The following SOX5 variants were observed in gnomAD, a reference collection of about 807,000 sequenced individuals.
SOX5 encodes the protein transcription factor SOX-5.
A neutral mutation model predicts 92.0 loss-of-function variants in SOX5; 9 were observed. The ratio of observed to expected loss-of-function variants is 0.10; its 90% CI spans 0.06 to 0.17. The LOEUF is 0.17. Among genes scored for constraint, SOX5 ranks in the 10% least tolerant of loss-of-function variants. SOX5 has a pLI of 1.00. For synonymous variants in SOX5, 344 were observed against 336.3 expected (o/e 1.02, Z -0.25); for missense variants, 642 against 944.5 (o/e 0.68, Z 4.20).
intron 8 of SOX5, among the ~76,000 whole-genome samples, chr12:23,633,546 T>C (rs778967983): frequency 4.6e-5 from 7 of 151,854 alleles, no homozygotes; most frequent in Non-Finnish European, 1.0e-4. Context: ...ATCAGTATAA[T>C]AAATAAGTAA....
intron 3 of SOX5, among the ~76,000 whole-genome samples, chr12:23,776,671 T>C (rs1161098326): frequency 6.6e-6 from 1 of 152,140 alleles, no homozygotes; most frequent in African/African-American, 2.4e-5. Flanking sequence ...GATTAAATGG[T>C]TCCACCTCAG....
At position 24,430,760 on chromosome 12, in the gene SOX5, G is replaced by A. The variant is rs141950208; in HGVS notation, c.-250-62121C>T. ...TTCAAGAACCATTCACTAAATAAAA[G>A]TTTGTACATTTTATCTCCTTTGTCA... On this transcript the variant is annotated intron_variant, in intron 1 of 4. Coordinates refer to the SOX5 transcript ENST00000446891. Among the ~76,000 whole-genome samples the A allele has an allele frequency of 2.0e-5, 3 of 152,120 alleles. No individual in the cohort carries two copies. The East Asian group carries it at 5.8e-4, about 29-fold the overall frequency.
At chr12:24,142,954 CAA>C (rs1344547885) in intron 4 of SOX5, among the ~76,000 whole-genome samples, 10 of 151,622 alleles carry the variant, frequency 6.6e-5, no homozygotes, top group African/African-American at 2.4e-4. Context: ...GGAAACTGCC[CAA>C]GGCAGGGAAA....
intron 4 of SOX5, among the ~76,000 whole-genome samples, chr12:24,030,967 G>A (rs186692223): frequency 1.8e-4 from 27 of 151,942 alleles, no homozygotes; most frequent in Admixed American, 9.2e-4. Flanking sequence ...AATCATCAGG[G>A]AAATGCAAAT....
intron 1 of SOX5, among the ~76,000 whole-genome samples, chr12:24,480,909 G>A (rs79368170): frequency 1.3e-5 from 2 of 152,076 alleles, no homozygotes; most frequent in Non-Finnish European, 1.5e-5. Context: ...GGCTGGGTAT[G>A]TATCCAAAGG....
chr12:23,692,286 A>C (rs1436840598), intron 6 of SOX5, among the ~76,000 whole-genome samples: 1 of 151,888 alleles, frequency 6.6e-6, no homozygotes, highest in Admixed American at 6.6e-5. Context: ...TTAAAAAAAA[A>C]ATTAGACAGG....
Position 23,532,870 on chromosome 12 carries a change from C to G in SOX5, c.*1349G>C, listed in dbSNP as rs1361368840. On this transcript the variant is annotated 3_prime_UTR_variant, in exon 15 of 15. Coordinates refer to ENST00000451604, the MANE Select transcript of SOX5 (RefSeq NM_006940.6). ...TAATTCTATTTGTCTGAAAAAATGG[C>G]CAAATATATTCAATGAAAACAATGA... 1 of 165,248 alleles carries G rather than the reference C, an allele frequency of 6.1e-6. No individual in the cohort carries two copies. The highest frequency in any genetic ancestry group is 2.4e-5 in the African/African-American group (1 of 41,682). The allele number at this position is 165,248 out of a possible 1,614,324, so 10.2% of individuals were successfully genotyped here.
intron 2 of SOX5, among the ~76,000 whole-genome samples, chr12:24,324,847 AT>A (rs1396982826): frequency 6.6e-6 from 1 of 152,010 alleles, no homozygotes; most frequent in Non-Finnish European, 1.5e-5. Flanking sequence ...GAGGTAGTCA[AT>A]AAAGGTTAGT....
chr12:24,494,763 G>A (rs901151938), intron 1 of SOX5, among the ~76,000 whole-genome samples: 4 of 151,924 alleles, frequency 2.6e-5, no homozygotes, highest in Non-Finnish European at 4.4e-5. Flanking sequence ...AATGAGAAGG[G>A]TATGGCAGCA....
chr12:23,942,523 C>T (rs1413971346), intron 1 of SOX5, among the ~76,000 whole-genome samples: 1 of 151,922 alleles, frequency 6.6e-6, no homozygotes. Flanking sequence ...CAGGTTAACT[C>T]TTTCCCTTCT....
At chr12:24,270,072 CT>C (rs71059997) in intron 3 of SOX5, among the ~76,000 whole-genome samples, 2 of 151,214 alleles carry the variant, frequency 1.3e-5, no homozygotes, top group East Asian at 1.9e-4. Context: ...AACTCTTTTT[CT>C]TTTTTTGAGA....
intron 4 of SOX5, among the ~76,000 whole-genome samples, chr12:24,043,917 C>T (rs1476119250): frequency 6.6e-6 from 1 of 152,086 alleles, no homozygotes; most frequent in Non-Finnish European, 1.5e-5. Flanking sequence ...TCATAATTTT[C>T]AATTTAACCT....
intron 2 of SOX5, among the ~76,000 whole-genome samples, chr12:23,882,644 G>A (rs543864822): frequency 3.3e-5 from 5 of 152,104 alleles, no homozygotes; most frequent in Non-Finnish European, 5.9e-5. Context: ...GATTACAAGC[G>A]CGATGGAAAA....
chr12:23,985,993 C>T (rs1243362072), intron 4 of SOX5, among the ~76,000 whole-genome samples: 1 of 151,950 alleles, frequency 6.6e-6, no homozygotes, highest in Non-Finnish European at 1.5e-5. Context: ...TTCTTCTTTC[C>T]CATTTGAGGG....
chr12:23,936,474 C>T (rs114659360), intron 1 of SOX5, among the ~76,000 whole-genome samples: 1,523 of 150,968 alleles, frequency 0.01, 19 homozygotes, highest in African/African-American at 0.035. Flanking sequence ...GTGTTAACTA[C>T]TGTAGCTTTT....
At chr12:24,485,547 G>A (rs2137875692) in intron 1 of SOX5, among the ~76,000 whole-genome samples, 1 of 152,094 alleles carries the variant, frequency 6.6e-6, no homozygotes, top group Middle Eastern at 3.4e-3. Flanking sequence ...TCTGTAACTG[G>A]TTTTCTTTTA....
At chr12:24,170,991 C>G (rs1190164914) in intron 4 of SOX5, among the ~76,000 whole-genome samples, 1 of 152,140 alleles carries the variant, frequency 6.6e-6, no homozygotes, top group African/African-American at 2.4e-5. Context: ...ATTTCTAGCT[C>G]TTCTTGCTCT....
At chr12:23,557,999 G>C (rs1945517945) in intron 11 of SOX5, among the ~76,000 whole-genome samples, 1 of 150,854 alleles carries the variant, frequency 6.6e-6, no homozygotes, top group Non-Finnish European at 1.5e-5. Context: ...AAAGACCCTG[G>C]ACATGTAAGA....
intron 1 of SOX5, among the ~76,000 whole-genome samples, chr12:23,916,095 A>T (rs2097413229): frequency 6.6e-6 from 1 of 152,202 alleles, no homozygotes; most frequent in Non-Finnish European, 1.5e-5. Context: ...ATAAGAATGA[A>T]AAAAGAAAAA....
Sources: allele counts gnomAD v4.1 joint callset (sites outside exome capture counted in the v4.1 genomes callset), GRCh38; gene constraint gnomAD v4.1.1; transcripts MANE v1.5; gene names NCBI Gene and HGNC (gene_info 2026-07-23, HGNC 2026-07-21).